Variants in TMEM74 observed in about 807,000 individuals in gnomAD.
TMEM74 encodes transmembrane protein 74.
In TMEM74, 13 loss-of-function variants were observed where a neutral mutation model predicts 18.1. The observed-to-expected ratio is 0.72, with a 90% CI of 0.47 to 1.14. TMEM74 has a LOEUF of 1.14. TMEM74 is among the 50% of genes most tolerant of loss of function. TMEM74 has a pLI of 0.00. For synonymous variants in TMEM74, 159 were observed against 146.6 expected, an observed-to-expected ratio of 1.08 and a Z score of -0.61; for missense variants, 372 against 375.9, an observed-to-expected ratio of 0.99 and a Z score of 0.09.
At chr8:108,616,091 G>A (rs1812380830) in intron 2 of TMEM74, among the ~76,000 whole-genome samples, 1 of 152,006 alleles carries the variant, frequency 6.6e-6, no homozygotes, top group Non-Finnish European at 1.5e-5. Flanking sequence ...GGCCTGGATA[G>A]GAGCTTCTTT....
At chr8:108,681,120 C>T (rs1813109815) in intron 1 of TMEM74, among the ~76,000 whole-genome samples, 1 of 152,086 alleles carries the variant, frequency 6.6e-6, no homozygotes, top group Non-Finnish European at 1.5e-5. Context: ...CAATGCCATC[C>T]CCATTAAGCT....
chr8:108,708,775 C>A (rs12546135), intron 1 of TMEM74, among the ~76,000 whole-genome samples: 2 of 82,026 alleles, frequency 2.4e-5, no homozygotes, highest in African/African-American at 5.5e-5. Flanking sequence ...GGGTTAATTT[C>A]TAAAATACAC....
chr8:108,658,226 G>A (rs12675665), intron 1 of TMEM74, among the ~76,000 whole-genome samples: 26,940 of 151,794 alleles, frequency 0.18, 2,886 homozygotes, highest in East Asian at 0.42. Flanking sequence ...ACAAGTAGTT[G>A]TTAGTTTCAG....
At chr8:108,707,833 T>C (rs910267262) in intron 1 of TMEM74, among the ~76,000 whole-genome samples, 1 of 152,050 alleles carries the variant, frequency 6.6e-6, no homozygotes, top group Non-Finnish European at 1.5e-5. Context: ...AAAGGAAAAA[T>C]AAACAAGTAG....
chr8:108,615,676 T>G (rs1812375299), intron 2 of TMEM74, among the ~76,000 whole-genome samples: 1 of 152,116 alleles, frequency 6.6e-6, no homozygotes, highest in African/African-American at 2.4e-5. Flanking sequence ...TGAAACGTGA[T>G]GTTCATACCA....
intron 2 of TMEM74, among the ~76,000 whole-genome samples, chr8:108,614,380 C>T (rs760114379): frequency 2.6e-5 from 4 of 151,876 alleles, no homozygotes; most frequent in Admixed American, 6.6e-5. Context: ...TATTTTTTAG[C>T]TTAATTTTAA....
Position 108,785,112 on chromosome 8 carries a change from A to G in TMEM74, c.-14T>C. 1.3e-6 allele frequency: 2 copies of G among 1,568,936 alleles called. No homozygotes were observed. Among genetic ancestry groups the G allele is most frequent in the Non-Finnish European group, 1.7e-6 (2 of 1,160,794 alleles). On this transcript the variant is annotated 5_prime_UTR_variant, in exon 2 of 2. Coordinates refer to ENST00000297459, the MANE Select transcript of TMEM74 (RefSeq NM_153015.3). ...GTGGAGCTCCATGAGAGCTAGTCAG[A>G]CATCCCCCAGCAGCTTCCGGAAAGT... is the stretch of plus-strand genomic sequence containing the variant.
intron 1 of TMEM74, among the ~76,000 whole-genome samples, chr8:108,671,407 C>A (rs1039580832): frequency 7.9e-5 from 12 of 152,200 alleles, no homozygotes; most frequent in African/African-American, 2.4e-4. Context: ...AAGCAACTGT[C>A]CTGTTTCTGT....
chr8:108,623,356 C>CTGGCTTTTGT (rs1812461571), intron 2 of TMEM74, among the ~76,000 whole-genome samples: 1 of 152,060 alleles, frequency 6.6e-6, no homozygotes. Context: ...ACTAGTTCTG[C>CTGGCTTTTGT]TGGCTTTTGT....
chr8:108,681,249 C>T (rs1156633279), intron 1 of TMEM74, among the ~76,000 whole-genome samples: 2 of 152,140 alleles, frequency 1.3e-5, no homozygotes, highest in Non-Finnish European at 2.9e-5. Context: ...AGGCATCACG[C>T]TACCTGACTT....
At chr8:108,671,344 G>A (rs924974797) in intron 1 of TMEM74, among the ~76,000 whole-genome samples, 2 of 152,138 alleles carry the variant, frequency 1.3e-5, no homozygotes, top group Admixed American at 6.6e-5. Context: ...TTGCCACATT[G>A]CCCATGGAGC....
chr8:108,652,935 C>A, intron 2 of TMEM74: 1 of 333,804 alleles, frequency 3.0e-6, no homozygotes, highest in South Asian at 2.9e-5. Flanking sequence ...GATGAATTTT[C>A]TAGCGACTTG....
chr8:108,701,862 TA>T, intron 1 of TMEM74, among the ~76,000 whole-genome samples: 1 of 152,212 alleles, frequency 6.6e-6, no homozygotes, highest in Non-Finnish European at 1.5e-5. Flanking sequence ...GCAATCTCCA[TA>T]AAAATCCCAA....
At chr8:108,728,476 C>G (rs1813662674) in intron 1 of TMEM74, among the ~76,000 whole-genome samples, 1 of 152,018 alleles carries the variant, frequency 6.6e-6, no homozygotes, top group Admixed American at 6.6e-5. Context: ...CTATAAAAGT[C>G]CTCTCCTGAT....
At chr8:108,750,609 A>C (rs1813895665) in intron 1 of TMEM74, among the ~76,000 whole-genome samples, 1 of 152,130 alleles carries the variant, frequency 6.6e-6, no homozygotes, top group South Asian at 2.1e-4. Flanking sequence ...CGCAGACACC[A>C]GGGAGAAGAA....
chr8:108,688,790 T>C (rs1377380317), intron 1 of TMEM74, among the ~76,000 whole-genome samples: 1 of 152,214 alleles, frequency 6.6e-6, no homozygotes, highest in Admixed American at 6.5e-5. Flanking sequence ...CCTTCATTTG[T>C]GGTTAGCTTC....
chr8:108,718,926 T>A (rs536824482), intron 1 of TMEM74, among the ~76,000 whole-genome samples: 1 of 152,022 alleles, frequency 6.6e-6, no homozygotes, highest in African/African-American at 2.4e-5. Flanking sequence ...ACCCATTATG[T>A]CATACTACAA....
rs150087473 is a variant in TMEM74, at chr8:108,727,500, C to T, written n.119+59976G>A. ...TCTTTCAGGCTTTTGTTCTGAGGAA[C>T]GGAAAAGATAGATTTGCCATCAACT... On this transcript the variant is annotated intron_variant and non_coding_transcript_variant, in intron 1 of 3. Coordinates refer to the TMEM74 transcript ENST00000518838. 3.0e-3 allele frequency among the ~76,000 whole-genome samples: 450 copies of T among 152,130 alleles called. 5 individuals carry two copies. The highest frequency in any genetic ancestry group is 9.8e-3 in the African/African-American group (407 of 41,492).
intron 2 of TMEM74, among the ~76,000 whole-genome samples, chr8:108,631,632 C>T (rs1812553298): frequency 6.6e-6 from 1 of 151,958 alleles, no homozygotes; most frequent in South Asian, 2.1e-4. Flanking sequence ...TTGTCGGATG[C>T]ATAGTTTGCA....
Sources: gnomAD v4.1 joint callset for allele counts (sites outside exome capture counted in the v4.1 genomes callset) on GRCh38, gnomAD v4.1.1 for gene constraint, MANE v1.5 for transcripts, NCBI Gene and HGNC (gene_info 2026-07-23, HGNC 2026-07-21) for gene names.